Variants in STK38 observed in about 807,000 individuals in gnomAD.
The protein encoded by STK38 is serine/threonine kinase 38.
Under a neutral mutation model 59.0 loss-of-function variants are expected in STK38, and 26 were observed. The observed-to-expected ratio is 0.44, with a 90% CI of 0.32 to 0.61. STK38 has a LOEUF of 0.61. Ranked by LOEUF, STK38 falls within the 20% of genes least tolerant of loss-of-function variation. The pLI, the probability that STK38 is intolerant of heterozygous loss-of-function variation, is 0.04. For missense variants in STK38, 433 were observed against 566.0 expected (o/e 0.76, Z 2.38); for synonymous variants, 175 against 176.6 (o/e 0.99, Z 0.07).
Position 36,495,704 on chromosome 6 carries a change from A to C in STK38, c.*80T>G, listed in dbSNP as rs937528462. On this transcript the variant is annotated 3_prime_UTR_variant, in exon 14 of 14. Coordinates refer to ENST00000229812, the MANE Select transcript of STK38 (RefSeq NM_007271.4). ...TTGGTGGGTTCCATCAACTTCTTGG[A>C]AGCTCTTCAAGAGTGTGAGAGGAAA... The C allele has an allele frequency of 1.1e-5, 18 of 1,575,552 alleles. No homozygotes were observed. In the African/African-American group the frequency reaches 1.5e-4, roughly 13 times the overall value.
At chr6:36,509,943 G>A (rs564046807) in intron 7 of STK38, among the ~76,000 whole-genome samples, 1 of 152,190 alleles carries the variant, frequency 6.6e-6, no homozygotes, top group Admixed American at 6.5e-5. Flanking sequence ...GTTTGTATGG[G>A]TTTCAAAAGA....
intron 10 of STK38, among the ~76,000 whole-genome samples, chr6:36,499,048 T>C (rs531595093): frequency 1.2e-4 from 19 of 152,146 alleles, no homozygotes; most frequent in South Asian, 1.0e-3. Context: ...CTGGTACCAC[T>C]AGGAAGTCAG....
intron 4 of STK38, 37 bp from the exon 5 acceptor site, chr6:36,521,854 C>T (rs372926557): frequency 1.2e-4 from 183 of 1,543,654 alleles, no homozygotes; most frequent in Non-Finnish European, 1.5e-4. Flanking sequence ...GTCAAAAACT[C>T]GTACTACCAA....
intron 12 of STK38, among the ~76,000 whole-genome samples, chr6:36,497,343 C>A (rs989668095): frequency 1.3e-5 from 2 of 152,214 alleles, no homozygotes; most frequent in Non-Finnish European, 2.9e-5. Context: ...TAGTCTACTA[C>A]CCCCACCATA....
chr6:36,532,989 T>C (rs1009690172), intron 2 of STK38, among the ~76,000 whole-genome samples: 26 of 151,316 alleles, frequency 1.7e-4, no homozygotes, highest in Admixed American at 1.4e-3. Flanking sequence ...GGAGAATTGC[T>C]TGAACCCAGG....
chr6:36,522,490 A>C (rs906802309), intron 4 of STK38: 9 of 147,502 alleles, frequency 6.1e-5, no homozygotes, highest in Non-Finnish European at 1.2e-4. Context: ...AACACAGTGA[A>C]ACCTTGTCAC....
chr6:36,536,171 C>G (rs1261653345), intron 2 of STK38, among the ~76,000 whole-genome samples: 3 of 152,074 alleles, frequency 2.0e-5, no homozygotes. Flanking sequence ...AAGAAAAGTG[C>G]CAAAGCAATC....
In STK38 at chr6:36,544,900, A is replaced by G. The variant is rs756314019; in HGVS notation, c.-6+2290T>C. 2.2e-4 allele frequency among the ~76,000 whole-genome samples: 33 copies of G among 152,292 alleles called. No individual in the cohort carries two copies. In the East Asian group the frequency reaches 2.3e-3, roughly 11 times the overall value. On this transcript the variant is annotated intron_variant, in intron 1 of 13. Coordinates refer to ENST00000229812, the MANE Select transcript of STK38 (RefSeq NM_007271.4). ...CAACAACAACAACAACAAACACAAC[A>G]CAACAATCTGCTAGTATTTAACCCT...
At chr6:36,525,515 C>A in intron 3 of STK38, 76 bp downstream of exon 3, 2 of 1,387,920 alleles carry the variant, frequency 1.4e-6, no homozygotes, top group South Asian at 1.2e-5. Context: ...TCATGTGTAC[C>A]AAGGCTAACA....
chr6:36,528,958 G>T (rs1212238104), intron 2 of STK38, among the ~76,000 whole-genome samples: 1 of 152,144 alleles, frequency 6.6e-6, no homozygotes, highest in Non-Finnish European at 1.5e-5. Context: ...ACCTGCCTGA[G>T]AGTGAAGTTA....
At chr6:36,500,692 G>A (rs962851956) in intron 9 of STK38, among the ~76,000 whole-genome samples, 3 of 150,240 alleles carry the variant, frequency 2.0e-5, no homozygotes, top group African/African-American at 4.9e-5. Context: ...CCCGGGAGGC[G>A]GAGGTTGCAG....
intron 7 of STK38, among the ~76,000 whole-genome samples, chr6:36,513,980 C>T (rs1270006909): frequency 2.6e-5 from 4 of 151,208 alleles, no homozygotes; most frequent in Admixed American, 2.6e-4. Flanking sequence ...ACCGTGAAAC[C>T]CCGTCTCTAC....
rs902992850 is a variant in STK38 at position 36,499,960 on chromosome 6, T to G, written c.865A>C (p.Ile289Leu). The part of the protein sequence containing the change: ...AFSTVGTPDY[I>L]APEVFMQTGY... ...GTCTGCATGAACACCTCAGGAGCAA[T>G]GTAGTCAGGAGTGCCTACTGTGGAG... The change falls in exon 10 of 14, where the codon ATT becomes CTT. Residue 289 changes from isoleucine to leucine, a missense_variant. Around this residue, in one of 3 missense-constraint regions of STK38, gnomAD observed 293 missense variants for 388.2 expected, o/e 0.75. Coordinates refer to ENST00000229812, the MANE Select transcript of STK38 (RefSeq NM_007271.4). 6.2e-7 allele frequency: 1 copy of G among 1,613,894 alleles called. No individual in the cohort carries two copies. The highest frequency in any genetic ancestry group is 8.5e-7 in the Non-Finnish European group (1 of 1,179,978).
rs777100269 is a variant in STK38, at chr6:36,495,918, G to A, written c.1268-4C>T. ...TCAGGATGATTACTTGTGGCCACTG[G>A]GAAAGAAATAGATGTGAGAGTTGAT... is the stretch of plus-strand genomic sequence containing the variant. On this transcript the variant is annotated splice_polypyrimidine_tract_variant and splice_region_variant and intron_variant, in intron 13 of 13. Coordinates refer to ENST00000229812, the MANE Select transcript of STK38 (RefSeq NM_007271.4). 6.2e-7 allele frequency: 1 copy of A among 1,613,732 alleles called. No individual in the cohort carries two copies. Among genetic ancestry groups the A allele is most frequent in the African/African-American group, 1.3e-5 (1 of 75,000 alleles).
At chr6:36,515,623 A>C in intron 6 of STK38, 131 bp from the exon 7 acceptor site, 1 of 1,471,068 alleles carries the variant, frequency 6.8e-7, no homozygotes, top group Non-Finnish European at 9.0e-7. Context: ...GGCTAAACAG[A>C]CCTCTTCTGT....
At chr6:36,524,489 A>G (rs1344707237) in intron 3 of STK38, 26 bp from the exon 4 acceptor site, 1 of 1,561,786 alleles carries the variant, frequency 6.4e-7, no homozygotes, top group Non-Finnish European at 8.6e-7. Context: ...AAAAGGGAGG[A>G]GACGGGAAGG....
chr6:36,530,689 TTC>T (rs1199625035), intron 2 of STK38, among the ~76,000 whole-genome samples: 3,100 of 144,928 alleles, frequency 0.021, 100 homozygotes, highest in African/African-American at 0.075. Flanking sequence ...TTCTTTTCTT[TTC>T]TTTTTTTTTT....
chr6:36,497,228 T>G (rs1235518234), intron 12 of STK38, among the ~76,000 whole-genome samples: 1 of 152,184 alleles, frequency 6.6e-6, no homozygotes, highest in African/African-American at 2.4e-5. Flanking sequence ...CAGTACACAA[T>G]TATAAAATAA....
At chr6:36,510,177 C>A in intron 7 of STK38, among the ~76,000 whole-genome samples, 1 of 152,352 alleles carries the variant, frequency 6.6e-6, no homozygotes, top group Admixed American at 6.5e-5. Flanking sequence ...CCACAGCACC[C>A]AGGCTGTTGG....
Sources: gnomAD v4.1 joint callset for allele counts (sites outside exome capture counted in the v4.1 genomes callset) on GRCh38, gnomAD v4.1.1 for gene constraint, gnomAD v4.1.1 regional missense constraint, MANE v1.5 for transcripts, NCBI Gene and HGNC (gene_info 2026-07-23, HGNC 2026-07-21) for gene names.